The following APBB1IP variants were observed in gnomAD, a reference collection of about 807,000 sequenced individuals.
The protein encoded by APBB1IP is amyloid beta A4 precursor protein-binding family B member 1-interacting protein.
In APBB1IP, 27 loss-of-function variants were observed where a neutral mutation model predicts 64.9. That is an observed-to-expected ratio of 0.42 (90% CI 0.31 to 0.57). The LOEUF is 0.57. Among genes scored for constraint, APBB1IP ranks in the 20% least tolerant of loss-of-function variants. The pLI is 0.20. For synonymous variants in APBB1IP, 392 were observed against 331.0 expected (o/e 1.18, Z -2.00); for missense variants, 812 against 845.5 (o/e 0.96, Z 0.49).
At chr10:26,480,297 A>C (rs2132421735) in intron 2 of APBB1IP, among the ~76,000 whole-genome samples, 1 of 152,290 alleles carries the variant, frequency 6.6e-6, no homozygotes, top group South Asian at 2.1e-4. Flanking sequence ...ACCTCCCAGC[A>C]ACAGAACAGT....
At chr10:26,493,439 C>A (rs1214515544) in intron 3 of APBB1IP, among the ~76,000 whole-genome samples, 2 of 152,106 alleles carry the variant, frequency 1.3e-5, no homozygotes, top group Non-Finnish European at 2.9e-5. Context: ...TCAGAGATTG[C>A]AGTAAAGACA....
intron 2 of APBB1IP, among the ~76,000 whole-genome samples, chr10:26,450,516 C>T (rs535806762): frequency 6.6e-6 from 1 of 152,236 alleles, no homozygotes. Flanking sequence ...TCAAATAGTC[C>T]ATAGGTAGAT....
chr10:26,486,946 A>G (rs960470652), intron 2 of APBB1IP, among the ~76,000 whole-genome samples: 3 of 152,176 alleles, frequency 2.0e-5, no homozygotes. Flanking sequence ...TCATCTATCC[A>G]ATAATAACAA....
At chr10:26,461,809 C>G (rs1262236328) in intron 2 of APBB1IP, among the ~76,000 whole-genome samples, 1 of 151,932 alleles carries the variant, frequency 6.6e-6, no homozygotes, top group African/African-American at 2.4e-5. Flanking sequence ...TTATTTATCT[C>G]TATGTTTTTC....
At chr10:26,554,584 G>A (rs1836871660) in intron 11 of APBB1IP, among the ~76,000 whole-genome samples, 2 of 151,936 alleles carry the variant, frequency 1.3e-5, no homozygotes, top group African/African-American at 4.8e-5. Flanking sequence ...GTCGGTTTTG[G>A]TGTTTTTTGT....
intron 11 of APBB1IP, among the ~76,000 whole-genome samples, chr10:26,547,962 T>G (rs937534660): frequency 6.6e-6 from 1 of 152,186 alleles, no homozygotes; most frequent in East Asian, 1.9e-4. Flanking sequence ...TGGCTCTAAA[T>G]GCATTGATTT....
rs753023813 is a variant in APBB1IP at position 26,501,064 on chromosome 10, G to A, written c.406G>A (p.Val136Met). 5 of 1,614,056 alleles carry A rather than the reference G, an allele frequency of 3.1e-6. No homozygotes were observed. The African/African-American group carries it at 6.7e-5, about 22-fold the overall frequency. The change falls in exon 5 of 15, where the codon GTG becomes ATG. Residue 136 changes from valine (V) to methionine (M), a missense_variant. Transcript: ENST00000376236. Reference sequence around the variant, plus strand: ...CTTACCACCTCCACCAGCCGATCCTGTGTTAGACCTTCCACTGCCACCACC... The same window carrying A: ...CTTACCACCTCCACCAGCCGATCCTATGTTAGACCTTCCACTGCCACCACC... ...DDLPPPPADPVLDLPLPPPPP... is the reference protein window; with the variant it reads ...DDLPPPPADPMLDLPLPPPPP...
At chr10:26,475,594 C>A (rs1238158386) in intron 2 of APBB1IP, among the ~76,000 whole-genome samples, 1 of 152,074 alleles carries the variant, frequency 6.6e-6, no homozygotes, top group Non-Finnish European at 1.5e-5. Context: ...ATCAGACTTG[C>A]GTTTAAATCC....
At position 26,444,985 on chromosome 10, in the gene APBB1IP, C is replaced by A. The variant is rs546751520; in HGVS notation, c.-1+6132C>A. Among the ~76,000 whole-genome samples, 47 of 151,838 alleles carry A rather than the reference C, an allele frequency of 3.1e-4. No homozygotes were observed. In the South Asian group the frequency reaches 5.4e-3, roughly 17 times the overall value. Reference sequence around the variant, plus strand: ...TGGTGGTGCACGCCTGTAGTCCCAGCTATTCGGGAGGCTGAGGCAGGAGAA... The same window carrying A: ...TGGTGGTGCACGCCTGTAGTCCCAGATATTCGGGAGGCTGAGGCAGGAGAA... On this transcript the variant is annotated intron_variant, in intron 2 of 14. Transcript: ENST00000376236.
intron 4 of APBB1IP, among the ~76,000 whole-genome samples, chr10:26,497,499 T>C (rs796111166): frequency 4.0e-5 from 6 of 151,090 alleles, no homozygotes; most frequent in South Asian, 2.1e-4. Flanking sequence ...TGCAGTGAGC[T>C]GAGATCGCGC....
chr10:26,439,509 A>T (rs1589185378), intron 2 of APBB1IP, among the ~76,000 whole-genome samples: 1 of 152,266 alleles, frequency 6.6e-6, no homozygotes, highest in Non-Finnish European at 1.5e-5. Context: ...GGCCTTTTAC[A>T]GAATGGAGGA....
At chr10:26,500,135 TG>T (rs933140198) in intron 4 of APBB1IP, among the ~76,000 whole-genome samples, 10 of 147,598 alleles carry the variant, frequency 6.8e-5, no homozygotes, top group African/African-American at 2.5e-4. Flanking sequence ...TGCTTGAGCC[TG>T]GGAGGCAGAG....
At chr10:26,445,128 AAAAGAAAGAAAGAAAG>A (rs762345104) in intron 2 of APBB1IP, among the ~76,000 whole-genome samples, 10,013 of 101,976 alleles carry the variant, frequency 0.098, 499 homozygotes, top group Non-Finnish European at 0.11. Flanking sequence ...AGAAAGAAAG[AAAAGAAAGAAAGAAAG>A]AAAGAAAGAA....
intron 8 of APBB1IP, among the ~76,000 whole-genome samples, chr10:26,528,406 C>T (rs55998800): frequency 0.016 from 2,503 of 152,210 alleles, 32 homozygotes; most frequent in Non-Finnish European, 0.024. Context: ...TTTTTCCCTA[C>T]CAGAACATTG....
intron 8 of APBB1IP, among the ~76,000 whole-genome samples, chr10:26,518,630 ATC>A (rs1564367323): frequency 6.6e-6 from 1 of 152,154 alleles, no homozygotes; most frequent in Non-Finnish European, 1.5e-5. Context: ...TTGTAGTGGC[ATC>A]TTCTGTGGTT....
chr10:26,499,672 C>A (rs1443965190), intron 4 of APBB1IP, among the ~76,000 whole-genome samples: 1 of 152,056 alleles, frequency 6.6e-6, no homozygotes, highest in Admixed American at 6.6e-5. Flanking sequence ...CCAACACCAC[C>A]CCAACTACAC....
At chr10:26,512,319 ATACT>A (rs1413238766) in intron 7 of APBB1IP, among the ~76,000 whole-genome samples, 1 of 152,046 alleles carries the variant, frequency 6.6e-6, no homozygotes, top group Non-Finnish European at 1.5e-5. Context: ...TGGCTGGATG[ATACT>A]TACTAAGATG....
intron 2 of APBB1IP, among the ~76,000 whole-genome samples, chr10:26,465,743 G>C (rs1404974633): frequency 6.6e-6 from 1 of 152,182 alleles, no homozygotes; most frequent in Admixed American, 6.6e-5. Flanking sequence ...GTCCTTGTGT[G>C]ATACCTATCT....
chr10:26,513,845 G>C (rs962798556), intron 8 of APBB1IP, among the ~76,000 whole-genome samples, 185 bp downstream of exon 8: 7 of 152,080 alleles, frequency 4.6e-5, no homozygotes, highest in African/African-American at 1.7e-4. Context: ...CAATTCTCTT[G>C]CCTCAGCCTC....
Sources: gnomAD v4.1 joint callset for allele counts (sites outside exome capture counted in the v4.1 genomes callset) on GRCh38, gnomAD v4.1.1 for gene constraint, MANE v1.5 for transcripts, NCBI Gene and HGNC (gene_info 2026-07-23, HGNC 2026-07-21) for gene names.